CHRNA7: variants seen among roughly 807,000 people sequenced by gnomAD.
The protein encoded by CHRNA7 is cholinergic receptor nicotinic alpha 7 subunit.
In CHRNA7, 17 loss-of-function variants were observed where a neutral mutation model predicts 48.0. The observed-to-expected ratio is 0.35, with a 90% CI of 0.24 to 0.53. The LOEUF (loss-of-function observed/expected upper bound fraction) is 0.53, where lower values mean the gene tolerates loss of function less well. Among genes scored for constraint, CHRNA7 ranks in the 20% least tolerant of loss-of-function variants. The pLI is 0.92. For synonymous variants in CHRNA7, 75 were observed against 242.3 expected, an observed-to-expected ratio of 0.31 and a Z score of 6.41; for missense variants, 155 against 577.7, an observed-to-expected ratio of 0.27 and a Z score of 7.50.
intron 2 of CHRNA7, among the ~76,000 whole-genome samples, chr15:32,086,737 G>A (rs1458966388): frequency 6.6e-6 from 1 of 152,102 alleles, no homozygotes; most frequent in Non-Finnish European, 1.5e-5. Context: ...CGACAGTTTT[G>A]AGTAGGGCAC....
At chr15:32,053,846 G>T (rs987656760) in intron 2 of CHRNA7, among the ~76,000 whole-genome samples, 2 of 152,228 alleles carry the variant, frequency 1.3e-5, no homozygotes, top group African/African-American at 2.4e-5. Flanking sequence ...GCTGACTACT[G>T]GCTCTGCGTC....
chr15:32,141,285 C>G (rs997179587), intron 4 of CHRNA7, among the ~76,000 whole-genome samples: 15 of 152,294 alleles, frequency 9.8e-5, no homozygotes, highest in African/African-American at 3.6e-4. Flanking sequence ...GTCTATATCT[C>G]TGTTTTGGTA....
intron 3 of CHRNA7, among the ~76,000 whole-genome samples, chr15:32,110,727 T>C (rs1157772134): frequency 1.3e-5 from 2 of 152,206 alleles, no homozygotes; most frequent in Non-Finnish European, 2.9e-5. Context: ...TCAAATTATT[T>C]TGGTCTAAAA....
At chr15:32,103,215 G>C (rs1276320062) in intron 3 of CHRNA7, 3 of 152,210 alleles carry the variant, frequency 2.0e-5, no homozygotes, top group African/African-American at 7.2e-5. Flanking sequence ...TCTGCATCCA[G>C]CCTGGCCAAC....
chr15:32,067,950 G>A (rs570796306), intron 2 of CHRNA7, among the ~76,000 whole-genome samples: 2 of 152,262 alleles, frequency 1.3e-5, no homozygotes, highest in East Asian at 3.9e-4. Context: ...CAAATTAGAA[G>A]GCAGTAGGGA....
intron 4 of CHRNA7, among the ~76,000 whole-genome samples, chr15:32,134,320 G>A (rs1595484669): frequency 6.6e-6 from 1 of 151,966 alleles, no homozygotes; most frequent in African/African-American, 2.4e-5. Flanking sequence ...CACCATTCCC[G>A]GCTAATTTTT....
intron 2 of CHRNA7, chr15:32,098,768 C>G (rs2050516707): frequency 6.6e-6 from 1 of 151,936 alleles, no homozygotes; most frequent in African/African-American, 2.4e-5. Flanking sequence ...TTGTAGGGAC[C>G]CTGTTTTCCC....
intron 2 of CHRNA7, chr15:32,098,920 A>C (rs1004678129): frequency 2.9e-5 from 4 of 139,370 alleles, no homozygotes; most frequent in African/African-American, 1.1e-4. Flanking sequence ...TTTTTATTCT[A>C]GGAGCTCAGG....
At chr15:32,067,086 A>G (rs1464571568) in intron 2 of CHRNA7, among the ~76,000 whole-genome samples, 1 of 152,216 alleles carries the variant, frequency 6.6e-6, no homozygotes, top group Non-Finnish European at 1.5e-5. Flanking sequence ...AGAAGGAAAG[A>G]GGAAAGAAAG....
chr15:32,112,111 G>A (rs1048565965), intron 4 of CHRNA7: 3 of 629,646 alleles, frequency 4.8e-6, no homozygotes, highest in South Asian at 3.5e-5. Context: ...ACGTGCACAC[G>A]CTGGCTAGCC....
At chr15:32,139,050 G>A (rs1422558748) in intron 4 of CHRNA7, among the ~76,000 whole-genome samples, 4 of 152,134 alleles carry the variant, frequency 2.6e-5, no homozygotes, top group African/African-American at 9.7e-5. Flanking sequence ...CACTGCGCCC[G>A]GCCTGATCTG....
chr15:32,101,586 T>C (rs59282948), intron 3 of CHRNA7: 1 of 488,298 alleles, frequency 2.0e-6, no homozygotes, highest in Non-Finnish European at 3.5e-6. Flanking sequence ...GACAAGGTAA[T>C]GTGGGGACAC....
intron 3 of CHRNA7, 167 bp downstream of exon 3, chr15:32,101,514 A>G: frequency 2.9e-6 from 2 of 687,082 alleles, no homozygotes; most frequent in Non-Finnish European, 5.1e-6. Context: ...GCCAACAATG[A>G]ATGCTGGCTG....
intron 4 of CHRNA7, among the ~76,000 whole-genome samples, chr15:32,121,202 A>G (rs2050963200): frequency 6.6e-6 from 1 of 152,170 alleles, no homozygotes; most frequent in African/African-American, 2.4e-5. Flanking sequence ...CTTGTGGGCC[A>G]GGGCCACATG....
chr15:32,043,546 A>C (rs1343402734), intron 2 of CHRNA7, among the ~76,000 whole-genome samples: 1 of 151,858 alleles, frequency 6.6e-6, no homozygotes, highest in Non-Finnish European at 1.5e-5. Flanking sequence ...ACAGTGGTTG[A>C]TCTGGAGATT....
At chr15:32,049,763 A>G (rs949174209) in intron 2 of CHRNA7, among the ~76,000 whole-genome samples, 5 of 152,302 alleles carry the variant, frequency 3.3e-5, no homozygotes, top group Non-Finnish European at 5.9e-5. Context: ...ACATTTTGGC[A>G]TGATTTTGCA....
chr15:32,082,296 C>T (rs1214908023), intron 2 of CHRNA7, among the ~76,000 whole-genome samples: 1 of 151,868 alleles, frequency 6.6e-6, no homozygotes, highest in Non-Finnish European at 1.5e-5. Flanking sequence ...TTTTCAACTC[C>T]ACCTTCTTCT....
chr15:32,097,938 C>T (rs2050499708), intron 2 of CHRNA7, among the ~76,000 whole-genome samples: 1 of 152,218 alleles, frequency 6.6e-6, no homozygotes, highest in African/African-American at 2.4e-5. Flanking sequence ...GAGAAGGAAA[C>T]TTCCCTCCTG....
At chr15:32,036,680 A>G (rs1216750983) in intron 2 of CHRNA7, among the ~76,000 whole-genome samples, 2 of 148,602 alleles carry the variant, frequency 1.3e-5, no homozygotes, top group East Asian at 3.9e-4. Context: ...CCCTGATGAC[A>G]TATGATGTGG....
Sources: allele counts gnomAD v4.1 joint callset (sites outside exome capture counted in the v4.1 genomes callset), GRCh38; gene constraint gnomAD v4.1.1; transcripts MANE v1.5; gene names NCBI Gene and HGNC (gene_info 2026-07-23, HGNC 2026-07-21).